The following MEGF10 variants were observed in gnomAD, a reference collection of about 807,000 sequenced individuals.
The protein encoded by MEGF10 is multiple epidermal growth factor-like domains protein 10.
In MEGF10, 86 loss-of-function variants were observed where a neutral mutation model predicts 147.5. That is an observed-to-expected ratio of 0.58 (90% CI 0.49 to 0.70). MEGF10 has a LOEUF of 0.70. Ranked by LOEUF, MEGF10 falls within the 30% of genes least tolerant of loss-of-function variation. MEGF10 has a pLI of 0.00. For missense variants in MEGF10, 1,329 were observed against 1,487.3 expected (o/e 0.89, Z 1.75); for synonymous variants, 478 against 525.5 (o/e 0.91, Z 1.24).
intron 1 of MEGF10, among the ~76,000 whole-genome samples, chr5:127,321,186 C>T (rs984228428): frequency 2.0e-5 from 3 of 152,120 alleles, no homozygotes; most frequent in Admixed American, 6.5e-5. Context: ...GTGATCATGG[C>T]CAAGTCATCT....
In MEGF10 at chr5:127,409,042, A is replaced by G. The variant is rs1422203934; in HGVS notation, c.918-1347A>G. ...CAGTGAGCTATGATGGCACCACTGCACTCCAGTCTGGGTGATAGAGGCAGA... is the reference window on the plus strand; with the variant it reads ...CAGTGAGCTATGATGGCACCACTGCGCTCCAGTCTGGGTGATAGAGGCAGA... On this transcript the variant is annotated intron_variant, in intron 8 of 24. Coordinates refer to ENST00000503335, the MANE Select transcript of MEGF10 (RefSeq NM_001256545.2). Among the ~76,000 whole-genome samples, 5 of 152,230 alleles carry G rather than the reference A, an allele frequency of 3.3e-5. No homozygotes were observed. In the East Asian group the frequency reaches 9.7e-4, roughly 29 times the overall value.
upstream of MEGF10, among the ~76,000 whole-genome samples, chr5:127,289,856 AC>A (rs1354619874): frequency 3.3e-5 from 5 of 151,826 alleles, no homozygotes; most frequent in Admixed American, 2.0e-4. Flanking sequence ...TGGGGCTTAA[AC>A]CTGTTTTTGT....
At chr5:127,258,333 G>A in the MEGF10 span, among the ~76,000 whole-genome samples, 2 of 152,154 alleles carry the variant, frequency 1.3e-5, no homozygotes, top group African/African-American at 4.8e-5. Flanking sequence ...AAGGAATTAT[G>A]TAATGGTAGT....
chr5:127,242,749 A>G, the MEGF10 span, among the ~76,000 whole-genome samples: 17 of 152,288 alleles, frequency 1.1e-4, no homozygotes, highest in Admixed American at 1.0e-3. Context: ...GCCAATAGTT[A>G]TTTTCCACAG....
chr5:127,312,624 G>T (rs1760341026), intron 1 of MEGF10, among the ~76,000 whole-genome samples: 1 of 152,186 alleles, frequency 6.6e-6, no homozygotes, highest in Non-Finnish European at 1.5e-5. Context: ...GATCCTTTTA[G>T]CCAGGACAGT....
intron 1 of MEGF10, among the ~76,000 whole-genome samples, chr5:127,327,720 T>C (rs1047939635): frequency 1.3e-4 from 20 of 150,132 alleles, no homozygotes; most frequent in South Asian, 1.3e-3. Flanking sequence ...TTTTCTTTTT[T>C]TTTTTTTTTT....
At chr5:127,333,623 C>T (rs374748383) in intron 2 of MEGF10, among the ~76,000 whole-genome samples, 32 of 152,330 alleles carry the variant, frequency 2.1e-4, no homozygotes, top group African/African-American at 7.5e-4. Flanking sequence ...CCCTGGTCAG[C>T]AGTTGACCAG....
At chr5:127,301,182 G>A (rs929250582) in intron 1 of MEGF10, among the ~76,000 whole-genome samples, 1 of 152,198 alleles carries the variant, frequency 6.6e-6, no homozygotes, top group Non-Finnish European at 1.5e-5. Context: ...GAGCTCCTCA[G>A]TGAGCCACAG....
intron 2 of MEGF10, among the ~76,000 whole-genome samples, chr5:127,338,136 A>ACTTC (rs1455660795): frequency 6.6e-6 from 1 of 151,974 alleles, no homozygotes; most frequent in Non-Finnish European, 1.5e-5. Context: ...TGGCATTTTA[A>ACTTC]CTTCCTTCCT....
At chr5:127,328,064 T>C in intron 1 of MEGF10, among the ~76,000 whole-genome samples, 1 of 152,178 alleles carries the variant, frequency 6.6e-6, no homozygotes, top group Non-Finnish European at 1.5e-5. Context: ...AGTGCCTTTA[T>C]TAAACAAGAT....
At chr5:127,312,185 G>A (rs565496283) in intron 1 of MEGF10, among the ~76,000 whole-genome samples, 1 of 152,292 alleles carries the variant, frequency 6.6e-6, no homozygotes, top group South Asian at 2.1e-4. Flanking sequence ...AAAGAGGGAT[G>A]GAAGTCAGAG....
rs180677236 is a variant in MEGF10, at chr5:127,455,287, T to G, written c.3026-114T>G. 102 of 881,986 alleles carry G rather than the reference T, an allele frequency of 1.2e-4. No homozygotes were observed. In the African/African-American group the frequency reaches 1.6e-3, roughly 14 times the overall value. The allele number at this position is 881,986 out of a possible 1,614,324, so 54.6% of individuals were successfully genotyped here. A position where few individuals can be genotyped will look rare whatever the true frequency, so the allele number is the denominator to read the frequency against. ...CAAGTGGAAAAGGTACAGTATTATT[T>G]TCAGTGTGTAGAATTATGGAAACCT... On this transcript the variant is annotated intron_variant, in intron 23 of 24. Coordinates refer to ENST00000503335, the MANE Select transcript of MEGF10 (RefSeq NM_001256545.2).
chr5:127,232,859 A>C, the MEGF10 span, among the ~76,000 whole-genome samples: 1 of 152,066 alleles, frequency 6.6e-6, no homozygotes, highest in Admixed American at 6.5e-5. Context: ...GCAGAGGAAG[A>C]AAAGCGAAAT....
chr5:127,404,013 T>G (rs1392936007), intron 8 of MEGF10, among the ~76,000 whole-genome samples: 3 of 152,178 alleles, frequency 2.0e-5, no homozygotes, highest in Admixed American at 6.5e-5. Flanking sequence ...TTGAGGAACC[T>G]CCAAACTGTT....
chr5:127,352,615 C>CG (rs1561588345), intron 4 of MEGF10, among the ~76,000 whole-genome samples: 1 of 151,580 alleles, frequency 6.6e-6, no homozygotes, highest in East Asian at 1.9e-4. Flanking sequence ...GAGCCGGAGC[C>CG]GAGATGGCGA....
chr5:127,321,455 G>A (rs1760782582), intron 1 of MEGF10, among the ~76,000 whole-genome samples: 1 of 152,054 alleles, frequency 6.6e-6, no homozygotes, highest in African/African-American at 2.4e-5. Flanking sequence ...GTTCATGCAT[G>A]TGTGTGCTCA....
the MEGF10 span, among the ~76,000 whole-genome samples, chr5:127,238,871 T>C: frequency 6.6e-6 from 1 of 152,194 alleles, no homozygotes; most frequent in Non-Finnish European, 1.5e-5. Flanking sequence ...CCTTGTCTGG[T>C]TTCCACAGTA....
In MEGF10 at chr5:127,370,020, G is replaced by A. The variant is rs1580774706; in HGVS notation, c.412+18G>A. ...CTCCAGTGGTAAGTTTCCACCTGCTGTTGTCTGTCTCGGGATGTTTTTGCT... is the reference window on the plus strand; with the variant it reads ...CTCCAGTGGTAAGTTTCCACCTGCTATTGTCTGTCTCGGGATGTTTTTGCT... On this transcript the variant is annotated intron_variant, in intron 5 of 24. Transcript: ENST00000503335. 6.2e-7 allele frequency: 1 copy of A among 1,602,422 alleles called. No individual in the cohort carries two copies. Among genetic ancestry groups the A allele is most frequent in the African/African-American group, 1.3e-5 (1 of 74,700 alleles).
intron 1 of MEGF10, among the ~76,000 whole-genome samples, chr5:127,303,166 GTC>G (rs773242587): frequency 2.0e-5 from 3 of 152,016 alleles, no homozygotes; most frequent in Non-Finnish European, 2.9e-5. Context: ...GCAAAACCCA[GTC>G]TCTACTAAAA....
Sources: allele counts gnomAD v4.1 joint callset (sites outside exome capture counted in the v4.1 genomes callset), GRCh38; gene constraint gnomAD v4.1.1; transcripts MANE v1.5; gene names NCBI Gene and HGNC (gene_info 2026-07-23, HGNC 2026-07-21).